Variants in PCDH15 observed in about 807,000 individuals in gnomAD.
PCDH15 encodes the protein protocadherin-15.
PCDH15 carries 129 observed loss-of-function variants against 178.5 expected under a neutral mutation model. The ratio of observed to expected loss-of-function variants is 0.72; its 90% CI spans 0.63 to 0.84. The LOEUF is 0.84. Among genes scored for constraint, PCDH15 ranks in the 40% least tolerant of loss-of-function variants. The probability of loss-of-function intolerance (pLI) is 0.00; values close to 1 mark genes in which losing one functional copy is unlikely to be tolerated. For missense variants in PCDH15, 2,230 were observed against 2,099.9 expected, an observed-to-expected ratio of 1.06 and a Z score of -1.21; for synonymous variants, 800 against 732.0, an observed-to-expected ratio of 1.09 and a Z score of -1.50.
intron 2 of PCDH15, among the ~76,000 whole-genome samples, chr10:55,446,797 A>G (rs1277740929): frequency 2.0e-5 from 3 of 152,132 alleles, no homozygotes; most frequent in Admixed American, 2.0e-4. Flanking sequence ...TCTGAGAGAC[A>G]TATATGGTGC....
rs575284303 is a variant in PCDH15 at position 54,887,386 on chromosome 10, G to A, written c.-29+10064C>T. Among the ~76,000 whole-genome samples, 10 of 152,130 alleles carry A rather than the reference G, an allele frequency of 6.6e-5. No homozygotes were observed. The East Asian group carries it at 1.7e-3, about 26-fold the overall frequency. The stretch of plus-strand genomic sequence containing the variant: ...GCTGTATATAAACAAACTTGATATA[G>A]ACACAATGTTTAAGTGAAGTTTATG... On this transcript the variant is annotated intron_variant, in intron 3 of 5. Transcript: ENST00000458638.
intron 2 of PCDH15, among the ~76,000 whole-genome samples, chr10:54,927,054 C>A (rs1837648235): frequency 6.6e-6 from 1 of 151,690 alleles, no homozygotes; most frequent in South Asian, 2.1e-4. Flanking sequence ...GAGATCTTTC[C>A]AACTTTTTGA....
chr10:54,893,315 A>T (rs1954495098), intron 3 of PCDH15, among the ~76,000 whole-genome samples: 1 of 152,266 alleles, frequency 6.6e-6, no homozygotes, highest in South Asian at 2.1e-4. Flanking sequence ...GAAAATGAGA[A>T]ATTTAACCAT....
At chr10:55,385,571 T>C (rs1222188256) in intron 2 of PCDH15, among the ~76,000 whole-genome samples, 1 of 151,408 alleles carries the variant, frequency 6.6e-6, no homozygotes, top group Non-Finnish European at 1.5e-5. Flanking sequence ...AGAATATATA[T>C]GGCTCTAATT....
intron 2 of PCDH15, among the ~76,000 whole-genome samples, chr10:54,587,943 A>G (rs1231595163): frequency 1.3e-5 from 2 of 152,200 alleles, no homozygotes; most frequent in African/African-American, 2.4e-5. Context: ...AATATGTTTT[A>G]TAATTTATTT....
chr10:54,806,348 GA>G (rs1419862396), intron 3 of PCDH15, among the ~76,000 whole-genome samples: 1 of 152,136 alleles, frequency 6.6e-6, no homozygotes, highest in Admixed American at 6.5e-5. Context: ...CAGAGGTCCA[GA>G]TCAGGGTCTC....
At chr10:54,582,429 A>G (rs147675101) in intron 2 of PCDH15, among the ~76,000 whole-genome samples, 80 of 152,230 alleles carry the variant, frequency 5.3e-4, no homozygotes, top group Middle Eastern at 3.4e-3. Flanking sequence ...ATGTAAAATG[A>G]AGAATCTATA....
intron 1 of PCDH15, among the ~76,000 whole-genome samples, chr10:55,207,707 G>A (rs969284738): frequency 6.6e-6 from 1 of 152,058 alleles, no homozygotes; most frequent in Non-Finnish European, 1.5e-5. Context: ...CATGGCTTAC[G>A]CCTGTAGTCC....
At chr10:54,305,815 G>A (rs889817594) in intron 8 of PCDH15, among the ~76,000 whole-genome samples, 2 of 151,452 alleles carry the variant, frequency 1.3e-5, no homozygotes, top group African/African-American at 4.9e-5. Context: ...GAAAATAGCA[G>A]AAGAGAATAT....
chr10:54,656,960 C>T (rs758643721), intron 2 of PCDH15, among the ~76,000 whole-genome samples: 24 of 152,172 alleles, frequency 1.6e-4, no homozygotes, highest in Non-Finnish European at 2.1e-4. Flanking sequence ...GTTTTCACAA[C>T]AGCTACACCT....
chr10:54,047,338 T>C (rs963193969), intron 18 of PCDH15, among the ~76,000 whole-genome samples: 6 of 151,180 alleles, frequency 4.0e-5, no homozygotes, highest in Non-Finnish European at 8.8e-5. Flanking sequence ...AAATTTCAAT[T>C]GTTCTTTGCA....
At chr10:54,287,529 C>G (rs961140393) in intron 8 of PCDH15, among the ~76,000 whole-genome samples, 3 of 152,088 alleles carry the variant, frequency 2.0e-5, no homozygotes, top group African/African-American at 4.8e-5. Context: ...TCTCTCTCAT[C>G]AGAGGTTTTT....
chr10:54,506,627 G>GAA (rs1418905056), intron 3 of PCDH15, among the ~76,000 whole-genome samples: 1 of 151,890 alleles, frequency 6.6e-6, no homozygotes, highest in Admixed American at 6.6e-5. Context: ...CAAAGCAGAA[G>GAA]GACTCCTAAG....
chr10:53,913,577 A>C (rs1313449319), intron 25 of PCDH15, among the ~76,000 whole-genome samples: 6 of 61,866 alleles, frequency 9.7e-5, no homozygotes, highest in East Asian at 9.3e-3. Flanking sequence ...ACTAAAAGAT[A>C]CAAAAAAAAA....
chr10:55,359,747 T>TATATATATATACACACAC (rs1491280747), intron 2 of PCDH15, among the ~76,000 whole-genome samples: 1 of 81,666 alleles, frequency 1.2e-5, no homozygotes, highest in African/African-American at 3.6e-5. Flanking sequence ...TATATATATA[T>TATATATATATACACACAC]ACACACACAC....
At chr10:54,779,353 G>T (rs975395527) in intron 1 of PCDH15, among the ~76,000 whole-genome samples, 13 of 144,290 alleles carry the variant, frequency 9.0e-5, no homozygotes, top group Non-Finnish European at 2.0e-4. Flanking sequence ...TCAGTAATAA[G>T]CACTTTTATT....
chr10:54,319,491 T>C (rs1012704038), intron 7 of PCDH15, among the ~76,000 whole-genome samples: 1 of 152,036 alleles, frequency 6.6e-6, no homozygotes, highest in Non-Finnish European at 1.5e-5. Context: ...AGTAAACATA[T>C]TGGTGGCTAC....
At chr10:54,630,973 C>T (rs148469701) in intron 2 of PCDH15, among the ~76,000 whole-genome samples, 2 of 152,236 alleles carry the variant, frequency 1.3e-5, no homozygotes, top group Non-Finnish European at 1.5e-5. Flanking sequence ...TCACACCAAT[C>T]GGAATGCTAT....
chr10:54,270,292 T>A (rs2057966374), intron 8 of PCDH15, among the ~76,000 whole-genome samples: 1 of 152,158 alleles, frequency 6.6e-6, no homozygotes, highest in South Asian at 2.1e-4. Context: ...CTTGACTGTC[T>A]TACAGTGCGT....
Sources: allele counts gnomAD v4.1 joint callset (sites outside exome capture counted in the v4.1 genomes callset), GRCh38; gene constraint gnomAD v4.1.1; transcripts MANE v1.5; gene names NCBI Gene and HGNC (gene_info 2026-07-23, HGNC 2026-07-21).